PPHLN1: variants seen among roughly 807,000 people sequenced by gnomAD.
The protein encoded by PPHLN1 is periphilin 1.
A neutral mutation model predicts 51.3 loss-of-function variants in PPHLN1; 29 were observed. That is an observed-to-expected ratio of 0.57 (90% CI 0.42 to 0.77). PPHLN1 has a LOEUF of 0.77. Among genes scored for constraint, PPHLN1 ranks in the 30% least tolerant of loss-of-function variants. The probability of loss-of-function intolerance (pLI) is 0.00; values close to 1 mark genes in which losing one functional copy is unlikely to be tolerated. For synonymous variants in PPHLN1, 147 were observed against 147.8 expected (o/e 0.99, Z 0.04); for missense variants, 436 against 438.4 (o/e 0.99, Z 0.05).
chr12:42,388,816 C>T (rs1241383817), intron 7 of PPHLN1, among the ~76,000 whole-genome samples: 1 of 152,186 alleles, frequency 6.6e-6, no homozygotes, highest in Non-Finnish European at 1.5e-5. Flanking sequence ...GTGGCATGCA[C>T]CTGTAGTCCT....
intron 1 of PPHLN1, among the ~76,000 whole-genome samples, chr12:42,328,363 CCT>C (rs1319198324): frequency 6.6e-6 from 1 of 152,090 alleles, no homozygotes; most frequent in Non-Finnish European, 1.5e-5. Context: ...TAATAAAAAA[CCT>C]CTTGGATTCT....
intron 7 of PPHLN1, among the ~76,000 whole-genome samples, chr12:42,392,988 C>T (rs1238578498): frequency 1.3e-5 from 2 of 152,106 alleles, no homozygotes; most frequent in South Asian, 2.1e-4. Flanking sequence ...CATTAAACTG[C>T]GATTCAAAGC....
intron 9 of PPHLN1, among the ~76,000 whole-genome samples, chr12:42,421,048 T>C (rs58065973): frequency 0.028 from 4,229 of 152,184 alleles, 216 homozygotes; most frequent in African/African-American, 0.097. Context: ...CTGATATCAG[T>C]TTGCATGTGG....
chr12:42,434,810 C>T (rs1263460353), intron 9 of PPHLN1, among the ~76,000 whole-genome samples: 3 of 152,198 alleles, frequency 2.0e-5, no homozygotes, highest in Non-Finnish European at 4.4e-5. Flanking sequence ...TCTCCTGCCT[C>T]ACCCTCCCCA....
chr12:42,376,767 A>G (rs1348547330), intron 5 of PPHLN1, among the ~76,000 whole-genome samples: 1 of 152,168 alleles, frequency 6.6e-6, no homozygotes, highest in Non-Finnish European at 1.5e-5. Context: ...TAACCTGGGC[A>G]ACAGAACGAG....
At chr12:42,391,307 C>T (rs183698735) in intron 7 of PPHLN1, among the ~76,000 whole-genome samples, 1 of 152,146 alleles carries the variant, frequency 6.6e-6, no homozygotes, top group East Asian at 1.9e-4. Flanking sequence ...GGCATAATCT[C>T]GGCTCACTGC....
At chr12:42,387,331 T>C in intron 6 of PPHLN1, 125 bp from the exon 7 acceptor site, 1 of 978,060 alleles carries the variant, frequency 1.0e-6, no homozygotes, top group Non-Finnish European at 1.5e-6. Flanking sequence ...TTTAATGTAA[T>C]AATGTAATGA....
intron 5 of PPHLN1, among the ~76,000 whole-genome samples, chr12:42,377,058 C>CT (rs1340924173): frequency 3.3e-5 from 5 of 152,050 alleles, no homozygotes; most frequent in Non-Finnish European, 7.3e-5. Flanking sequence ...TGGATGCAAC[C>CT]TGACACAAGT....
At chr12:42,396,034 C>G (rs1320968895) in intron 8 of PPHLN1, among the ~76,000 whole-genome samples, 8 of 151,852 alleles carry the variant, frequency 5.3e-5, no homozygotes, top group Non-Finnish European at 1.0e-4. Context: ...ACAGCATTTC[C>G]CAAGGTATTT....
chr12:42,380,585 A>G (rs2095579501), intron 5 of PPHLN1, among the ~76,000 whole-genome samples: 1 of 152,158 alleles, frequency 6.6e-6, no homozygotes. Flanking sequence ...TATGAATAAA[A>G]TTTGAAGTCT....
At chr12:42,329,055 T>G (rs1220965699) in intron 1 of PPHLN1, among the ~76,000 whole-genome samples, 2 of 150,790 alleles carry the variant, frequency 1.3e-5, no homozygotes, top group East Asian at 4.0e-4. Context: ...CCTTAACTAA[T>G]TATGTTCTAA....
chr12:42,426,913 A>AG (rs1210492038), intron 9 of PPHLN1, among the ~76,000 whole-genome samples: 4 of 150,592 alleles, frequency 2.7e-5, no homozygotes, highest in Non-Finnish European at 4.4e-5. Flanking sequence ...AAGGAAGTGG[A>AG]GGGGGTGGGT....
chr12:42,438,376 T>C (rs947402808), intron 9 of PPHLN1, among the ~76,000 whole-genome samples: 2 of 152,358 alleles, frequency 1.3e-5, no homozygotes, highest in Admixed American at 6.5e-5. Flanking sequence ...TGGATTTACA[T>C]TTAAATCAAA....
chr12:42,355,116 CA>C, intron 3 of PPHLN1, 44 bp from the exon 4 acceptor site: 9 of 1,584,792 alleles, frequency 5.7e-6, no homozygotes, highest in Non-Finnish European at 6.9e-6. Context: ...CCCACTTGTC[CA>C]AAATAATGTA....
intron 5 of PPHLN1, among the ~76,000 whole-genome samples, chr12:42,379,013 GT>G (rs34276198): frequency 0.2 from 30,095 of 151,332 alleles, 3,352 homozygotes; most frequent in African/African-American, 0.3. Flanking sequence ...AGGTAAAATT[GT>G]TTTTTTTATA....
intron 9 of PPHLN1, among the ~76,000 whole-genome samples, chr12:42,424,685 C>T (rs776388839): frequency 1.3e-4 from 20 of 152,112 alleles, no homozygotes; most frequent in Non-Finnish European, 2.6e-4. Context: ...ACTTTCTGAT[C>T]CTGTTTACCT....
chr12:42,335,042 T>A (rs1032114224), intron 1 of PPHLN1, among the ~76,000 whole-genome samples: 3 of 152,196 alleles, frequency 2.0e-5, no homozygotes, highest in Non-Finnish European at 4.4e-5. Context: ...ATATAAATGG[T>A]CTCTTTTCCC....
At chr12:42,398,054 C>T (rs2078432919) in intron 8 of PPHLN1, among the ~76,000 whole-genome samples, 1 of 151,348 alleles carries the variant, frequency 6.6e-6, no homozygotes, top group Non-Finnish European at 1.5e-5. Context: ...TGTGGCTCTT[C>T]TTTGCTACTT....
chr12:42,383,811 T>C (rs1161266625), intron 5 of PPHLN1, among the ~76,000 whole-genome samples: 2 of 150,204 alleles, frequency 1.3e-5, no homozygotes, highest in East Asian at 3.9e-4. Flanking sequence ...AAACCTCGTC[T>C]CTACTAAAAA....
Sources: allele counts gnomAD v4.1 joint callset (sites outside exome capture counted in the v4.1 genomes callset), GRCh38; gene constraint gnomAD v4.1.1; transcripts MANE v1.5; gene names NCBI Gene and HGNC (gene_info 2026-07-23, HGNC 2026-07-21).